The following BCAT2 variants were observed in gnomAD, a reference collection of about 807,000 sequenced individuals.
BCAT2 encodes the protein branched chain amino acid transaminase 2.
Under a neutral mutation model 52.9 loss-of-function variants are expected in BCAT2, and 44 were observed. That is an observed-to-expected ratio of 0.83 (90% CI 0.65 to 1.07). BCAT2 has a LOEUF of 1.07. BCAT2 is among the 50% of genes least tolerant of loss of function. The pLI, the probability that BCAT2 is intolerant of heterozygous loss-of-function variation, is 0.00. For missense variants in BCAT2, 478 were observed against 521.8 expected, an observed-to-expected ratio of 0.92 and a Z score of 0.82; for synonymous variants, 215 against 217.1, an observed-to-expected ratio of 0.99 and a Z score of 0.08.
chr19:48,808,899 C>A (rs1415592850), intron 1 of BCAT2, among the ~76,000 whole-genome samples: 3 of 151,608 alleles, frequency 2.0e-5, no homozygotes, highest in Non-Finnish European at 4.4e-5. Context: ...TATAGCAAGA[C>A]CCTGTCTCTA....
rs779757611 is a variant in BCAT2 at position 48,795,393 on chromosome 19, C to T, written c.*33G>A. 1.2e-6 allele frequency: 2 copies of T among 1,613,690 alleles called. No homozygotes were observed. Among genetic ancestry groups the T allele is most frequent in the East Asian group, 2.2e-5 (1 of 44,870 alleles). The stretch of plus-strand genomic sequence containing the variant: ...CGAGTGCTGGCGTGACGAGATGCTA[C>T]GGGTCGGTGGATCTGGAGCACAGCC... On this transcript the variant is annotated 3_prime_UTR_variant, in exon 11 of 11. Coordinates refer to ENST00000316273, the MANE Select transcript of BCAT2 (RefSeq NM_001190.4).
intron 10 of BCAT2, chr19:48,796,140 C>T (rs772442322): frequency 1.9e-6 from 1 of 520,006 alleles, no homozygotes; most frequent in African/African-American, 1.9e-5. Flanking sequence ...GAGGGGGTTT[C>T]TCCTACCAGG....
chr19:48,809,178 G>A (rs545164637), intron 1 of BCAT2, among the ~76,000 whole-genome samples: 22 of 147,648 alleles, frequency 1.5e-4, no homozygotes, highest in African/African-American at 5.2e-4. Flanking sequence ...AGGCACCACA[G>A]TCACTTGAAC....
chr19:48,795,221 C>T lies in BCAT2; in HGVS notation c.*205G>A, dbSNP rs1356581254. On this transcript the variant is annotated 3_prime_UTR_variant, in exon 11 of 11. Transcript: ENST00000316273. ...AAGGAGTAATGGGCGGACCTGAACC[C>T]GCGACGAGGGGCTGGGGGCCAAGAT... The T allele has an allele frequency of 1.6e-6, 1 of 643,968 alleles. No individual in the cohort carries two copies. Among genetic ancestry groups the T allele is most frequent in the Non-Finnish European group, 2.7e-6 (1 of 364,616 alleles). The allele number at this position is 643,968 out of a possible 1,614,324, so 39.9% of individuals were successfully genotyped here. A position where few individuals can be genotyped will look rare whatever the true frequency, so the allele number is the denominator to read the frequency against.
intron 3 of BCAT2, among the ~76,000 whole-genome samples, chr19:48,804,342 G>A (rs1024017209): frequency 7.2e-5 from 11 of 151,940 alleles, no homozygotes; most frequent in Non-Finnish European, 1.6e-4. Context: ...CCAGGAGTTC[G>A]AAAACAGCCT....
At chr19:48,810,127 A>G (rs1202668883) in intron 1 of BCAT2, among the ~76,000 whole-genome samples, 2 of 152,006 alleles carry the variant, frequency 1.3e-5, no homozygotes, top group Non-Finnish European at 2.9e-5. Context: ...CACATACCCC[A>G]GGTATCCCAG....
Position 48,796,423 on chromosome 19 carries a change from C to T in BCAT2, c.1140+5G>A, listed in dbSNP as rs771397384. On this transcript the variant is annotated splice_donor_5th_base_variant and intron_variant, in intron 10 of 10. Transcript: ENST00000316273. ...CAGCCCATTCCCCAGCTCCCTGCAG[C>T]TCACCTGGATCTCCTTCAGCTCCTT... 5.0e-6 allele frequency: 8 copies of T among 1,614,070 alleles called. No homozygotes were observed. In the Admixed American group the frequency reaches 1.3e-4, roughly 27 times the overall value.
intron 3 of BCAT2, among the ~76,000 whole-genome samples, chr19:48,806,271 G>T (rs1365757119): frequency 6.6e-6 from 1 of 150,924 alleles, no homozygotes; most frequent in Non-Finnish European, 1.5e-5. Context: ...TCAGAGCACA[G>T]ATCATACTGA....
rs746483360 is a variant in BCAT2 at position 48,800,679 on chromosome 19, G to C, written c.301-382C>G. Among the ~76,000 whole-genome samples, 8 of 152,184 alleles carry C rather than the reference G, an allele frequency of 5.3e-5. No homozygotes were observed. In the South Asian group the frequency reaches 1.4e-3, roughly 28 times the overall value. On this transcript the variant is annotated intron_variant, in intron 3 of 10. Transcript: ENST00000316273. The stretch of plus-strand genomic sequence containing the variant: ...ATACGAAAATTAGCCAGACGTGGTA[G>C]CACGTGACTGGAGTCCCAGGTATTT...
intron 6 of BCAT2, among the ~76,000 whole-genome samples, chr19:48,798,064 G>A (rs1305142890): frequency 2.0e-5 from 3 of 151,966 alleles, no homozygotes; most frequent in Non-Finnish European, 2.9e-5. Context: ...CACAGCGCCC[G>A]GCCTTACTTT....
At chr19:48,797,144 G>C in intron 7 of BCAT2, 47 bp downstream of exon 7, 1 of 1,610,100 alleles carries the variant, frequency 6.2e-7, no homozygotes, top group East Asian at 2.2e-5. Context: ...GAATGATGGT[G>C]CCACCCACTT....
At chr19:48,797,392 C>A in intron 6 of BCAT2, 59 bp from the exon 7 acceptor site, 1 of 1,596,586 alleles carries the variant, frequency 6.3e-7, no homozygotes, top group Non-Finnish European at 8.6e-7. Flanking sequence ...CCCAGCCCAG[C>A]CCCAGAGGAG....
At chr19:48,810,736 C>CTTTT (rs35945446) in intron 1 of BCAT2, 46 of 721,310 alleles carry the variant, frequency 6.4e-5, no homozygotes, top group East Asian at 1.8e-4. Flanking sequence ...CCATGTTTCC[C>CTTTT]TTTTTTTTTT....
chr19:48,809,900 C>T (rs2034882446), intron 1 of BCAT2, among the ~76,000 whole-genome samples: 1 of 152,296 alleles, frequency 6.6e-6, no homozygotes, highest in South Asian at 2.1e-4. Context: ...CCGGGACTGT[C>T]CCCATCACAG....
chr19:48,809,140 C>T (rs922969106), intron 1 of BCAT2, among the ~76,000 whole-genome samples: 6 of 141,804 alleles, frequency 4.2e-5, no homozygotes, highest in Admixed American at 1.5e-4. Flanking sequence ...GCAGGTGGAT[C>T]GCTTGAGCCC....
chr19:48,798,295 G>A (rs563868282), intron 6 of BCAT2, among the ~76,000 whole-genome samples: 122 of 152,234 alleles, frequency 8.0e-4, no homozygotes, highest in African/African-American at 2.7e-3. Context: ...CCAGTGAACT[G>A]GGCTACCTGG....
Position 48,807,996 on chromosome 19 carries a change from G to A in BCAT2, c.25-922C>T. ...CTGTGGGGAGGCGTTGGGGCGTGAGGTTGAGAGAGACAGAGTGGCCTGGCC... is the reference window on the plus strand; with the variant it reads ...CTGTGGGGAGGCGTTGGGGCGTGAGATTGAGAGAGACAGAGTGGCCTGGCC... On this transcript the variant is annotated intron_variant, in intron 1 of 10. Coordinates refer to ENST00000316273, the MANE Select transcript of BCAT2 (RefSeq NM_001190.4). The surrounding 1 kb of genome is among the most constrained non-coding windows in gnomAD (Gnocchi z 4.6). 4.1e-6 allele frequency: 4 copies of A among 986,250 alleles called. No homozygotes were observed. Among genetic ancestry groups the A allele is most frequent in the Non-Finnish European group, 3.6e-6 (3 of 830,398 alleles). 61.1% of individuals were successfully genotyped at this position (986,250 alleles called of 1,614,324 possible). A position where few individuals can be genotyped will look rare whatever the true frequency, so the allele number is the denominator to read the frequency against.
Position 48,799,911 on chromosome 19 carries a change from A to T in BCAT2, c.531+70T>A. On this transcript the variant is annotated intron_variant, in intron 5 of 10. Transcript: ENST00000316273. This position sits in a 1 kb window ranked among gnomAD's most constrained non-coding sequence, Gnocchi z 5.5. The stretch of plus-strand genomic sequence containing the variant: ...TTCCCGTCCCCAGGCCCAGGCCTCC[A>T]GGACCCCACCCCTGCCCTGCAGAAT... 6 of 1,601,322 alleles carry T rather than the reference A, an allele frequency of 3.7e-6. No homozygotes were observed. Among genetic ancestry groups the T allele is most frequent in the Non-Finnish European group, 5.1e-6 (6 of 1,174,184 alleles).
Position 48,807,982 on chromosome 19 carries a change from C to T in BCAT2, c.25-908G>A. 1.6e-5 allele frequency: 16 copies of T among 985,974 alleles called. No individual in the cohort carries two copies. The highest frequency in any genetic ancestry group is 1.7e-5 in the Non-Finnish European group (14 of 830,270). The allele number at this position is 985,974 out of a possible 1,614,324, so 61.1% of individuals were successfully genotyped here. A position where few individuals can be genotyped will look rare whatever the true frequency, so the allele number is the denominator to read the frequency against. ...CTCTTTCCCCAGCCCTGTGGGGAGG[C>T]GTTGGGGCGTGAGGTTGAGAGAGAC... On this transcript the variant is annotated intron_variant, in intron 1 of 10. Transcript: ENST00000316273. The surrounding 1 kb of genome is among the most constrained non-coding windows in gnomAD (Gnocchi z 4.6).
Sources: gnomAD v4.1 joint callset for allele counts (sites outside exome capture counted in the v4.1 genomes callset) on GRCh38, gnomAD v4.1.1 for gene constraint, Gnocchi (gnomAD v3.1) non-coding constraint, MANE v1.5 for transcripts, NCBI Gene and HGNC (gene_info 2026-07-23, HGNC 2026-07-21) for gene names.